WDHD1: variants seen among roughly 807,000 people sequenced by gnomAD.
The protein encoded by WDHD1 is WD repeat and HMG-box DNA-binding protein 1.
WDHD1 carries 111 observed loss-of-function variants against 135.4 expected under a neutral mutation model. The ratio of observed to expected loss-of-function variants is 0.82; its 90% CI spans 0.70 to 0.96. The LOEUF is 0.96. WDHD1 is among the 40% of genes least tolerant of loss of function. The probability of loss-of-function intolerance (pLI) is 0.00; values close to 1 mark genes in which losing one functional copy is unlikely to be tolerated. For synonymous variants in WDHD1, 434 were observed against 439.0 expected (o/e 0.99, Z 0.14); for missense variants, 1,351 against 1,336.3 (o/e 1.01, Z -0.17).
At chr14:54,994,028 T>C (rs1334500610) in intron 11 of WDHD1, among the ~76,000 whole-genome samples, 1 of 152,220 alleles carries the variant, frequency 6.6e-6, no homozygotes, top group Non-Finnish European at 1.5e-5. Context: ...TTTTACTTGA[T>C]AATGTTCAAG....
At position 54,966,613 on chromosome 14, in the gene WDHD1, A is replaced by C; in HGVS notation, c.2179-7T>G. 1 of 1,597,774 alleles carries C rather than the reference A, an allele frequency of 6.3e-7. No individual in the cohort carries two copies. The highest frequency in any genetic ancestry group is 8.5e-7 in the Non-Finnish European group (1 of 1,174,950). On this transcript the variant is annotated splice_polypyrimidine_tract_variant and splice_region_variant and intron_variant, in intron 17 of 25. Coordinates refer to ENST00000360586, the MANE Select transcript of WDHD1 (RefSeq NM_007086.4). Reference sequence around the variant, plus strand: ...CTGAACGCCAAAATTGCTCCTATAAAAGCAAATAAAATTGCTTAAGGCCAA... The same window carrying C: ...CTGAACGCCAAAATTGCTCCTATAACAGCAAATAAAATTGCTTAAGGCCAA...
chr14:55,008,735 G>T lies in WDHD1; in HGVS notation c.342-16C>A, dbSNP rs778995580. 1.3e-6 allele frequency: 2 copies of T among 1,561,946 alleles called. No individual in the cohort carries two copies. The highest frequency in any genetic ancestry group is 1.8e-6 in the Non-Finnish European group (2 of 1,141,390). ...TAGAAAATCACTAAGAACAAAAAGA[G>T]TAACGCAAATGAATAAATGCTAACA... On this transcript the variant is annotated splice_polypyrimidine_tract_variant and intron_variant, in intron 4 of 25. Coordinates refer to ENST00000360586, the MANE Select transcript of WDHD1 (RefSeq NM_007086.4).
chr14:54,998,224 T>C (rs922735976), intron 10 of WDHD1, among the ~76,000 whole-genome samples: 3 of 151,646 alleles, frequency 2.0e-5, no homozygotes, highest in African/African-American at 7.3e-5. Context: ...AAAAAATTTT[T>C]AATGGAGGAC....
chr14:55,015,436 T>C (rs1015411615), intron 2 of WDHD1, among the ~76,000 whole-genome samples: 2 of 151,406 alleles, frequency 1.3e-5, no homozygotes, highest in African/African-American at 4.9e-5. Flanking sequence ...ACCTCTTCTT[T>C]GTACTTCCAG....
In WDHD1 at chr14:54,941,138, A is replaced by T. The variant is rs2040831157; in HGVS notation, c.*352T>A. 1 of 168,110 alleles carries T rather than the reference A, an allele frequency of 5.9e-6. No individual in the cohort carries two copies. Among genetic ancestry groups the T allele is most frequent in the Non-Finnish European group, 1.3e-5 (1 of 78,276 alleles). The allele number at this position is 168,110 out of a possible 1,614,324, so 10.4% of individuals were successfully genotyped here. On this transcript the variant is annotated 3_prime_UTR_variant, in exon 26 of 26. Coordinates refer to ENST00000360586, the MANE Select transcript of WDHD1 (RefSeq NM_007086.4). ...CCTTGCACATGACAAAAACCAAATG[A>T]ACCAAACCCCTAGAAGGTATTAATG...
chr14:54,992,084 C>T (rs1160891857), intron 11 of WDHD1, among the ~76,000 whole-genome samples: 1 of 151,942 alleles, frequency 6.6e-6, no homozygotes, highest in Non-Finnish European at 1.5e-5. Flanking sequence ...ATGGTGAAAC[C>T]CTGTCTCTAC....
chr14:54,941,584 T>A lies in WDHD1; in HGVS notation c.3296A>T (p.Lys1099Ile), dbSNP rs2040839357. Reference protein sequence around the residue: ...ESDETENQEEKAKENLNLSKK... With the variant: ...ESDETENQEEIAKENLNLSKK... Reference sequence around the variant, plus strand: ...AGACAAATTCAGGTTCTCTTTTGCTTTTTCTTCCTGGTTTTCTGTTTCATC... The same window carrying A: ...AGACAAATTCAGGTTCTCTTTTGCTATTTCTTCCTGGTTTTCTGTTTCATC... The change falls in exon 26 of 26, where the codon AAA (lysine) becomes ATA (isoleucine). Residue 1099 changes from lysine to isoleucine, a missense_variant. Physicochemically the swap from Lys to Ile is moderately radical, Grantham distance 102. Coordinates refer to ENST00000360586, the MANE Select transcript of WDHD1 (RefSeq NM_007086.4). 1 of 1,614,030 alleles carries A rather than the reference T, an allele frequency of 6.2e-7. No individual in the cohort carries two copies. Among genetic ancestry groups the A allele is most frequent in the Non-Finnish European group, 8.5e-7 (1 of 1,179,956 alleles).
At chr14:54,956,914 C>T (rs1566709580) in intron 23 of WDHD1, 120 bp downstream of exon 23, 2 of 1,293,912 alleles carry the variant, frequency 1.5e-6, no homozygotes, top group East Asian at 2.4e-5. Context: ...GAACCCACTT[C>T]CCTAGCAAGA....
At chr14:54,944,768 C>T (rs547697592) in intron 24 of WDHD1, among the ~76,000 whole-genome samples, 96 of 151,970 alleles carry the variant, frequency 6.3e-4, no homozygotes, top group Middle Eastern at 6.8e-3. Context: ...TACAGGCATG[C>T]GCCACCACAC....
At chr14:54,998,165 A>G (rs1392232255) in intron 10 of WDHD1, among the ~76,000 whole-genome samples, 1 of 152,006 alleles carries the variant, frequency 6.6e-6, no homozygotes, top group Admixed American at 6.6e-5. Context: ...GGGAGCCACC[A>G]TTGCACTCCA....
At chr14:54,994,047 T>C (rs1176573349) in intron 11 of WDHD1, among the ~76,000 whole-genome samples, 2 of 152,226 alleles carry the variant, frequency 1.3e-5, no homozygotes, top group Admixed American at 1.3e-4. Flanking sequence ...AGTGTTATTG[T>C]AGCATGTAAG....
rs746692441 is a variant in WDHD1, at chr14:54,962,967, T to C, written c.2516A>G (p.Lys839Arg). The change falls in exon 19 of 26, where the codon AAA becomes AGA. Residue 839 changes from lysine to arginine, a missense_variant. By Grantham distance (26) the Lys-to-Arg change is conservative. Coordinates refer to ENST00000360586, the MANE Select transcript of WDHD1 (RefSeq NM_007086.4). ...EEEEEEEDFR[K>R]KLNAGYSNTA... is the part of the protein sequence containing the mutation. ...TATTTCTTACCCAGCATTCAGCTTTTTTCTGAAATCTTCTTCTTCTTCTTC... is the reference window on the plus strand; with the variant it reads ...TATTTCTTACCCAGCATTCAGCTTTCTTCTGAAATCTTCTTCTTCTTCTTC... 4 of 1,613,968 alleles carry C rather than the reference T, an allele frequency of 2.5e-6. No homozygotes were observed. The highest frequency in any genetic ancestry group is 2.2e-5 in the South Asian group (2 of 91,074).
chr14:55,023,259 A>G (rs2042379006), intron 2 of WDHD1, among the ~76,000 whole-genome samples: 2 of 152,196 alleles, frequency 1.3e-5, no homozygotes, highest in African/African-American at 4.8e-5. Flanking sequence ...ACCACATTAG[A>G]GTCTATAGCT....
Position 54,988,937 on chromosome 14 carries a change from ATTTTG to A in WDHD1, c.1526+86_1526+90del, listed in dbSNP as rs1347653388. On this transcript the variant is annotated intron_variant, in intron 13 of 25. Coordinates refer to ENST00000360586, the MANE Select transcript of WDHD1 (RefSeq NM_007086.4). ...TGAAATTTCATATTACAAAAAATAA[ATTTTG>A]TTTTATTAACTTTTTGTCTTTAATT... is the stretch of plus-strand genomic sequence containing the variant. The A allele has an allele frequency of 5.9e-6, 7 of 1,193,246 alleles. No homozygotes were observed. The Admixed American group carries it at 1.4e-4, about 25-fold the overall frequency. The allele number at this position is 1,193,246 out of a possible 1,614,324, so 73.9% of individuals were successfully genotyped here.
intron 24 of WDHD1, among the ~76,000 whole-genome samples, chr14:54,947,361 G>A (rs1357232355): frequency 6.6e-6 from 1 of 152,054 alleles, no homozygotes; most frequent in African/African-American, 2.4e-5. Context: ...AAAAAACCAT[G>A]AGCCACTATG....
chr14:54,995,461 CAA>C, intron 11 of WDHD1, 140 bp downstream of exon 11: 1 of 589,116 alleles, frequency 1.7e-6, no homozygotes, highest in Non-Finnish European at 2.7e-6. Flanking sequence ...CCTTTTTTAA[CAA>C]AGTCATTTAA....
In WDHD1 at chr14:55,007,374, G is replaced by A. The variant is rs748047739; in HGVS notation, c.506C>T (p.Thr169Ile). Residue 169 changes from threonine (T) to isoleucine (I), a missense_variant and splice_region_variant, in exon 7 of 26, where the codon ACA becomes ATA. By Grantham distance (89) the Thr-to-Ile change is moderately conservative. Around this residue, in one of 2 missense-constraint regions of WDHD1, gnomAD observed 1,330 missense variants for 1,296.1 expected, o/e 1.03. Coordinates refer to ENST00000360586, the MANE Select transcript of WDHD1 (RefSeq NM_007086.4). ...TAGCAGTGGCCAACTAATAGCACAT[G>A]TCTAATTGGTAAAAAAAGAAAATTT... ...SVRVWQISDQ[T>I]CAISWPLLQK... is the part of the protein sequence containing the mutation. 1.3e-6 allele frequency: 2 copies of A among 1,574,738 alleles called. No homozygotes were observed. The highest frequency in any genetic ancestry group is 1.7e-6 in the Non-Finnish European group (2 of 1,164,776).
intron 18 of WDHD1, among the ~76,000 whole-genome samples, chr14:54,964,006 C>A (rs2041300324): frequency 6.6e-6 from 1 of 151,840 alleles, no homozygotes; most frequent in African/African-American, 2.4e-5. Flanking sequence ...TACTCAGGAG[C>A]CTGAGACAGG....
chr14:54,949,673 G>A (rs946784778), intron 24 of WDHD1, among the ~76,000 whole-genome samples: 3 of 152,100 alleles, frequency 2.0e-5, no homozygotes, highest in Non-Finnish European at 2.9e-5. Flanking sequence ...TACTCCTCGA[G>A]AAGAGCAACT....
Sources: gnomAD v4.1 joint callset for allele counts (sites outside exome capture counted in the v4.1 genomes callset) on GRCh38, gnomAD v4.1.1 for gene constraint, gnomAD v4.1.1 regional missense constraint, MANE v1.5 for transcripts, NCBI Gene and HGNC (gene_info 2026-07-23, HGNC 2026-07-21) for gene names.